Variants in TAOK3 observed in about 807,000 individuals in gnomAD.
TAOK3 encodes the protein serine/threonine-protein kinase TAO3.
TAOK3 carries 40 observed loss-of-function variants against 120.4 expected under a neutral mutation model. The observed-to-expected ratio is 0.33, with a 90% confidence interval of 0.26 to 0.43. The LOEUF (loss-of-function observed/expected upper bound fraction) is 0.43, where lower values mean the gene tolerates loss of function less well. Among genes scored for constraint, TAOK3 ranks in the 20% least tolerant of loss-of-function variants. TAOK3 has a pLI of 1.00. For synonymous variants in TAOK3, 355 were observed against 387.5 expected (o/e 0.92, Z 0.99); for missense variants, 821 against 1,112.1 (o/e 0.74, Z 3.72).
chr12:118,285,750 G>A (rs1361857273), intron 1 of TAOK3, among the ~76,000 whole-genome samples: 2 of 152,164 alleles, frequency 1.3e-5, no homozygotes, highest in South Asian at 2.1e-4. Context: ...TTTTTCCAAG[G>A]TTGAGGACGT....
intron 14 of TAOK3, among the ~76,000 whole-genome samples, chr12:118,186,931 A>G (rs16948173): frequency 6.6e-6 from 1 of 152,180 alleles, no homozygotes; most frequent in African/African-American, 2.4e-5. Context: ...GGGCTTCTTC[A>G]TATACTTGTC....
chr12:118,328,455 A>G (rs2044018245), intron 1 of TAOK3, among the ~76,000 whole-genome samples: 2 of 152,340 alleles, frequency 1.3e-5, no homozygotes, highest in East Asian at 3.9e-4. Context: ...CTTGCAGTCT[A>G]TAGAACAAAT....
At chr12:118,368,455 T>A (rs998294354) in intron 1 of TAOK3, among the ~76,000 whole-genome samples, 11 of 150,034 alleles carry the variant, frequency 7.3e-5, no homozygotes, top group African/African-American at 2.4e-4. Context: ...GCCTTGGCCT[T>A]CCAAAGTGCT....
At chr12:118,224,266 A>G (rs1343399882) in intron 9 of TAOK3, among the ~76,000 whole-genome samples, 1 of 152,230 alleles carries the variant, frequency 6.6e-6, no homozygotes, top group East Asian at 1.9e-4. Flanking sequence ...TGTACATTTT[A>G]AGGTAGATAG....
chr12:118,339,601 T>C (rs1021908816), intron 1 of TAOK3, among the ~76,000 whole-genome samples: 2 of 151,910 alleles, frequency 1.3e-5, no homozygotes, highest in African/African-American at 4.8e-5. Context: ...GGTCTTACTC[T>C]GTCGCCCAGG....
intron 14 of TAOK3, among the ~76,000 whole-genome samples, chr12:118,184,949 C>T (rs1474034622): frequency 6.6e-6 from 1 of 152,198 alleles, no homozygotes; most frequent in Non-Finnish European, 1.5e-5. Context: ...AAGTGCCTAG[C>T]AGGGTGTCTG....
chr12:118,302,227 G>A lies in TAOK3; in HGVS notation c.-193-35468C>T, dbSNP rs182053285. On this transcript the variant is annotated intron_variant, in intron 1 of 20. Transcript: ENST00000392533. ...CATCCATACTCTGTTGGCAGTGACAGGAAGCAGAGCAAAAATGCTGGCAAG... is the reference window on the plus strand; with the variant it reads ...CATCCATACTCTGTTGGCAGTGACAAGAAGCAGAGCAAAAATGCTGGCAAG... Among the ~76,000 whole-genome samples, 15 of 152,276 alleles carry A rather than the reference G, an allele frequency of 9.9e-5. No individual in the cohort carries two copies. In the South Asian group the frequency reaches 2.1e-3, roughly 21 times the overall value.
chr12:118,350,691 T>A (rs2045102144), intron 1 of TAOK3, among the ~76,000 whole-genome samples: 1 of 150,582 alleles, frequency 6.6e-6, no homozygotes, highest in Non-Finnish European at 1.5e-5. Context: ...AAACTCTGTC[T>A]CTACTAAAAA....
At chr12:118,200,730 A>G (rs2037977702) in intron 12 of TAOK3, 1 of 151,976 alleles carries the variant, frequency 6.6e-6, no homozygotes, top group East Asian at 1.9e-4. Flanking sequence ...GTATTGACAT[A>G]CTCCTAGCCA....
intron 1 of TAOK3, among the ~76,000 whole-genome samples, chr12:118,354,461 C>T (rs998987006): frequency 1.5e-4 from 23 of 152,254 alleles, no homozygotes; most frequent in South Asian, 1.0e-3. Flanking sequence ...AAAGGGTAAG[C>T]AATTTAAAAC....
chr12:118,368,384 G>C (rs527285688), intron 1 of TAOK3, among the ~76,000 whole-genome samples: 5 of 152,128 alleles, frequency 3.3e-5, no homozygotes, highest in African/African-American at 9.6e-5. Context: ...TTTTAGTAGA[G>C]ACGGGTTTTC....
intron 1 of TAOK3, among the ~76,000 whole-genome samples, chr12:118,271,230 A>G (rs1285837088): frequency 6.6e-6 from 1 of 152,226 alleles, no homozygotes; most frequent in African/African-American, 2.4e-5. Context: ...TTTAGTATTT[A>G]GCATTTTAGA....
chr12:118,159,277 C>T (rs957557483), intron 19 of TAOK3, among the ~76,000 whole-genome samples: 2 of 151,832 alleles, frequency 1.3e-5, no homozygotes, highest in Non-Finnish European at 2.9e-5. Context: ...CTTGTTCTCC[C>T]CTAACCCCCA....
chr12:118,218,870 C>T (rs2039076669), intron 9 of TAOK3, among the ~76,000 whole-genome samples: 1 of 152,136 alleles, frequency 6.6e-6, no homozygotes, highest in Non-Finnish European at 1.5e-5. Context: ...AGGAGAATCA[C>T]TTGAACTGGG....
At position 118,270,669 on chromosome 12, in the gene TAOK3, C is replaced by CTTT. The variant is rs761296706; in HGVS notation, c.-193-3913_-193-3911dup. Among the ~76,000 whole-genome samples the CTTT allele has an allele frequency of 1.4e-3, 176 of 125,938 alleles. 4 individuals carry two copies. The highest frequency in any genetic ancestry group is 4.3e-3 in the African/African-American group (138 of 31,836). The allele number at this position is 125,938 out of a possible 152,430, so 82.6% of individuals were successfully genotyped here. On this transcript the variant is annotated intron_variant, in intron 1 of 20. Coordinates refer to ENST00000392533, the MANE Select transcript of TAOK3 (RefSeq NM_016281.4). ...ATTCTTACAGTCCAGCTAAATGTCACTTTTTTTTTTTTTTTTTTTTTTGAG... is the reference window on the plus strand; with the variant it reads ...ATTCTTACAGTCCAGCTAAATGTCACTTTTTTTTTTTTTTTTTTTTTTTTTGAG...
intron 1 of TAOK3, among the ~76,000 whole-genome samples, chr12:118,359,986 T>A (rs1220122237): frequency 6.6e-6 from 1 of 152,058 alleles, no homozygotes; most frequent in African/African-American, 2.4e-5. Context: ...ATGTATGTGG[T>A]CAGGCGTGGT....
chr12:118,188,310 G>A (rs2037199745), intron 14 of TAOK3, among the ~76,000 whole-genome samples: 1 of 152,158 alleles, frequency 6.6e-6, no homozygotes, highest in South Asian at 2.1e-4. Context: ...AGATATCATG[G>A]CATGAAGACA....
intron 9 of TAOK3, among the ~76,000 whole-genome samples, chr12:118,224,260 C>T (rs1044565177): frequency 6.6e-6 from 1 of 152,192 alleles, no homozygotes; most frequent in African/African-American, 2.4e-5. Context: ...TAACTCTGTA[C>T]ATTTTAAGGT....
At chr12:118,185,148 T>G (rs1192210924) in intron 14 of TAOK3, among the ~76,000 whole-genome samples, 1 of 151,536 alleles carries the variant, frequency 6.6e-6, no homozygotes, top group Admixed American at 6.6e-5. Context: ...GATTATAAAA[T>G]TATGTATAAT....
Sources: allele counts gnomAD v4.1 joint callset (sites outside exome capture counted in the v4.1 genomes callset), GRCh38; gene constraint gnomAD v4.1.1; transcripts MANE v1.5; gene names NCBI Gene and HGNC (gene_info 2026-07-23, HGNC 2026-07-21).